The following CREBBP variants were observed in gnomAD, a reference collection of about 807,000 sequenced individuals.
The protein encoded by CREBBP is CREB-binding protein.
Under a neutral mutation model 265.0 loss-of-function variants are expected in CREBBP, and 19 were observed. That is an observed-to-expected ratio of 0.07 (90% confidence interval 0.05 to 0.11). The LOEUF is 0.11. Among genes scored for constraint, CREBBP ranks in the 10% least tolerant of loss-of-function variants. The pLI is 1.00. For synonymous variants in CREBBP, 1,457 were observed against 1,223.7 expected (o/e 1.19, Z -3.98); for missense variants, 2,525 against 3,219.0 (o/e 0.78, Z 5.22).
intron 1 of CREBBP, among the ~76,000 whole-genome samples, chr16:3,874,755 C>A (rs2055365974): frequency 6.6e-6 from 1 of 152,222 alleles, no homozygotes; most frequent in African/African-American, 2.4e-5. Flanking sequence ...TCCTCAGCTA[C>A]AAGCAACAGC....
intron 21 of CREBBP, among the ~76,000 whole-genome samples, chr16:3,746,436 C>A (rs567431744): frequency 6.6e-6 from 1 of 152,334 alleles, no homozygotes; most frequent in African/African-American, 2.4e-5. Flanking sequence ...CTGGCTACCT[C>A]TCCCTTCCAC....
At chr16:3,800,749 T>C (rs560646263) in intron 3 of CREBBP, among the ~76,000 whole-genome samples, 1 of 151,718 alleles carries the variant, frequency 6.6e-6, no homozygotes, top group East Asian at 1.9e-4. Flanking sequence ...ATCAAAAACA[T>C]TGAGAAAAGA....
intron 5 of CREBBP, among the ~76,000 whole-genome samples, chr16:3,789,372 C>T (rs532679754): frequency 2.0e-5 from 3 of 152,336 alleles, no homozygotes; most frequent in Admixed American, 2.0e-4. Context: ...CTGAAATGTT[C>T]TTCCTTTGTT....
At chr16:3,781,128 A>G (rs2053264399) in intron 7 of CREBBP, 76 bp downstream of exon 7, 1 of 1,369,044 alleles carries the variant, frequency 7.3e-7, no homozygotes. Context: ...CCACACATTT[A>G]GAAAGAATCA....
intron 2 of CREBBP, among the ~76,000 whole-genome samples, chr16:3,847,728 T>C (rs2054697306): frequency 6.6e-6 from 1 of 152,196 alleles, no homozygotes; most frequent in Non-Finnish European, 1.5e-5. Flanking sequence ...GTCCAACTTC[T>C]GGAAGACACT....
rs2151302779 is a variant in CREBBP at position 3,728,432 on chromosome 16, C to T, written c.6615G>A (p.Gln2205=). ...GCTGCTGTTGCTGCTGTTGTTGCTGCTGCTGTTGCTGCTGCTGCTGCAGCA... is the reference window on the plus strand; with the variant it reads ...GCTGCTGTTGCTGCTGTTGTTGCTGTTGCTGTTGCTGCTGCTGCTGCAGCA... The part of the protein sequence containing the change: ...RQLLQQQQQQ[Q]QQQQQQQQQQ... The change falls in exon 31 of 31, where the codon CAG becomes CAA. Residue 2205 remains glutamine (Q), a synonymous_variant. Transcript: ENST00000262367. The surrounding 1 kb of genome is among the most constrained non-coding windows in gnomAD (Gnocchi z 8.7). The T allele has an allele frequency of 6.2e-7, 1 of 1,612,230 alleles. No homozygotes were observed. The highest frequency in any genetic ancestry group is 1.1e-5 in the South Asian group (1 of 90,970).
chr16:3,793,677 T>C (rs1474593157), intron 3 of CREBBP, 51 bp from the exon 4 acceptor site: 2 of 1,586,014 alleles, frequency 1.3e-6, no homozygotes, highest in Admixed American at 3.5e-5. Flanking sequence ...GAGTTCCAAG[T>C]CATATTCATT....
At chr16:3,859,670 C>A (rs926263652) in intron 1 of CREBBP, among the ~76,000 whole-genome samples, 1 of 152,128 alleles carries the variant, frequency 6.6e-6, no homozygotes, top group Non-Finnish European at 1.5e-5. Flanking sequence ...TGATCACCAA[C>A]GGCCAATGGT....
At chr16:3,748,191 T>C (rs574476112) in intron 21 of CREBBP, among the ~76,000 whole-genome samples, 28 of 151,808 alleles carry the variant, frequency 1.8e-4, no homozygotes, top group African/African-American at 5.8e-4. Context: ...AGGCAGAGAA[T>C]TGCTTGAATC....
intron 16 of CREBBP, among the ~76,000 whole-genome samples, chr16:3,764,229 C>T (rs555399698): frequency 6.6e-6 from 1 of 151,632 alleles, no homozygotes; most frequent in Non-Finnish European, 1.5e-5. Flanking sequence ...GCCTTAGCCT[C>T]CCAAAGTCCT....
chr16:3,824,633 T>C (rs1171318644), intron 2 of CREBBP, among the ~76,000 whole-genome samples: 1 of 152,168 alleles, frequency 6.6e-6, no homozygotes, highest in Non-Finnish European at 1.5e-5. Context: ...CTCCCACCTC[T>C]GGCCACTCCC....
At chr16:3,821,029 A>C (rs1189539685) in intron 2 of CREBBP, among the ~76,000 whole-genome samples, 11 of 152,238 alleles carry the variant, frequency 7.2e-5, no homozygotes, top group Admixed American at 7.2e-4. Context: ...TGCATAAGCA[A>C]AAACGACGGG....
chr16:3,751,615 G>T, intron 20 of CREBBP, 111 bp downstream of exon 20: 1 of 1,095,454 alleles, frequency 9.1e-7, no homozygotes, highest in Non-Finnish European at 1.4e-6. Flanking sequence ...AAAAAACATT[G>T]CAAGGAAGTC....
chr16:3,792,701 T>C (rs1018007088), intron 4 of CREBBP, among the ~76,000 whole-genome samples: 1 of 152,166 alleles, frequency 6.6e-6, no homozygotes, highest in African/African-American at 2.4e-5. Context: ...CAGGGGGAGA[T>C]TCCCCTAAGT....
At chr16:3,839,212 T>A (rs1385684221) in intron 2 of CREBBP, among the ~76,000 whole-genome samples, 1 of 152,160 alleles carries the variant, frequency 6.6e-6, no homozygotes, top group African/African-American at 2.4e-5. Flanking sequence ...GTGAACTGAG[T>A]CAGCTTATTC....
chr16:3,827,069 C>T (rs1407088124), intron 2 of CREBBP, among the ~76,000 whole-genome samples: 3 of 152,084 alleles, frequency 2.0e-5, no homozygotes, highest in Non-Finnish European at 4.4e-5. Context: ...GCTTGAGGAT[C>T]GCTTAAACCC....
At chr16:3,753,051 C>T (rs2052510108) in intron 19 of CREBBP, among the ~76,000 whole-genome samples, 1 of 152,178 alleles carries the variant, frequency 6.6e-6, no homozygotes, top group Non-Finnish European at 1.5e-5. Context: ...GCGACGGCAG[C>T]ACGAATGCGG....
At chr16:3,850,054 C>T (rs892358345) in intron 2 of CREBBP, among the ~76,000 whole-genome samples, 2 of 152,114 alleles carry the variant, frequency 1.3e-5, no homozygotes, top group African/African-American at 4.8e-5. Flanking sequence ...CACATTAGGC[C>T]CTGTACTTTC....
chr16:3,803,699 C>A (rs144826461), intron 3 of CREBBP, among the ~76,000 whole-genome samples: 2 of 152,174 alleles, frequency 1.3e-5, no homozygotes, highest in East Asian at 3.9e-4. Flanking sequence ...ACTCCCTCCC[C>A]ACTCTCTTCC....
Sources: allele counts gnomAD v4.1 joint callset (sites outside exome capture counted in the v4.1 genomes callset), GRCh38; gene constraint gnomAD v4.1.1; non-coding constraint Gnocchi (gnomAD v3.1); transcripts MANE v1.5; gene names NCBI Gene and HGNC (gene_info 2026-07-23, HGNC 2026-07-21).